The following DMTF1 variants were observed in gnomAD, a reference collection of about 807,000 sequenced individuals.
DMTF1 encodes the protein cyclin D binding myb like transcription factor 1, also known as cyclin-D-binding Myb-like transcription factor 1.
A neutral mutation model predicts 91.1 loss-of-function variants in DMTF1; 39 were observed. The ratio of observed to expected loss-of-function variants is 0.43; its 90% CI spans 0.33 to 0.56. The LOEUF is 0.56. DMTF1 is among the 20% of genes least tolerant of loss of function. DMTF1 has a pLI of 0.05. For synonymous variants in DMTF1, 338 were observed against 309.5 expected, an observed-to-expected ratio of 1.09 and a Z score of -0.97; for missense variants, 750 against 914.5, an observed-to-expected ratio of 0.82 and a Z score of 2.32.
chr7:87,191,316 T>C (rs560635771), intron 14 of DMTF1, among the ~76,000 whole-genome samples: 1 of 152,284 alleles, frequency 6.6e-6, no homozygotes, highest in South Asian at 2.1e-4. Context: ...TGAGAAAGTC[T>C]GTGGACAAAC....
chr7:87,156,106 C>T (rs1249213680), intron 1 of DMTF1, among the ~76,000 whole-genome samples: 5 of 152,116 alleles, frequency 3.3e-5, no homozygotes, highest in Non-Finnish European at 5.9e-5. Flanking sequence ...TCTGATGGTG[C>T]CTTGTAGAAA....
chr7:87,181,395 A>T, intron 9 of DMTF1, 54 bp downstream of exon 9: 1 of 889,820 alleles, frequency 1.1e-6, no homozygotes, highest in East Asian at 2.6e-5. Context: ...TTACGTCCTT[A>T]AAAGTTTTAC....
intron 7 of DMTF1, among the ~76,000 whole-genome samples, chr7:87,175,074 A>G (rs147360803): frequency 0.046 from 6,842 of 149,840 alleles, 182 homozygotes; most frequent in Middle Eastern, 0.069. Flanking sequence ...GCTGGAGTAC[A>G]GTGGCACAGT....
chr7:87,188,260 C>T lies in DMTF1; in HGVS notation c.1370C>T (p.Pro457Leu), dbSNP rs1391041929. Reference sequence around the variant, plus strand: ...GATAATACAGCCATCTCTTCTAGCCCCATGGCAGCATTGCAGATTCCAGTC... The same window carrying T: ...GATAATACAGCCATCTCTTCTAGCCTCATGGCAGCATTGCAGATTCCAGTC... ...LEDNTAISSS[P>L]MAALQIPVQI... Residue 457 changes from proline to leucine, a missense_variant, in exon 13 of 18, where the codon CCC becomes CTC. Around this residue, in one of 3 missense-constraint regions of DMTF1, gnomAD observed 410 missense variants for 420.2 expected, o/e 0.98. Transcript: ENST00000331242. 1.1e-5 allele frequency: 18 copies of T among 1,613,804 alleles called. No homozygotes were observed. The highest frequency in any genetic ancestry group is 1.4e-5 in the Non-Finnish European group (17 of 1,179,884).
chr7:87,168,742 C>CT (rs1794414866), intron 4 of DMTF1, among the ~76,000 whole-genome samples: 1 of 152,196 alleles, frequency 6.6e-6, no homozygotes, highest in Admixed American at 6.5e-5. Flanking sequence ...TATTCTCACT[C>CT]TAATTCCTGA....
At chr7:87,184,340 G>A in intron 10 of DMTF1, 57 bp from the exon 11 acceptor site, 1 of 1,509,138 alleles carries the variant, frequency 6.6e-7, no homozygotes, top group South Asian at 1.2e-5. Context: ...ATAGAGGGCT[G>A]AATCAGATTT....
intron 4 of DMTF1, among the ~76,000 whole-genome samples, chr7:87,168,797 C>T (rs1405633436): frequency 6.6e-6 from 1 of 152,200 alleles, no homozygotes; most frequent in Non-Finnish European, 1.5e-5. Context: ...CCAGTAACAA[C>T]AGCTCTCTAG....
chr7:87,185,490 C>T (rs1195880720), intron 11 of DMTF1, among the ~76,000 whole-genome samples: 1 of 152,158 alleles, frequency 6.6e-6, no homozygotes, highest in African/African-American at 2.4e-5. Context: ...GTAAATGCCA[C>T]ACTATGAAAC....
intron 14 of DMTF1, 136 bp from the exon 15 acceptor site, chr7:87,193,062 A>G: frequency 2.5e-6 from 2 of 805,698 alleles, no homozygotes; most frequent in South Asian, 1.7e-5. Flanking sequence ...TGAGACGATT[A>G]TGCCCTACAT....
At chr7:87,176,638 T>C (rs1230968031) in intron 7 of DMTF1, among the ~76,000 whole-genome samples, 2 of 152,008 alleles carry the variant, frequency 1.3e-5, no homozygotes, top group African/African-American at 2.4e-5. Context: ...CTGAACTGAA[T>C]GTTGGGCAAG....
chr7:87,184,660 CTT>C, intron 11 of DMTF1, 35 bp downstream of exon 11: 2 of 1,579,146 alleles, frequency 1.3e-6, no homozygotes, highest in Non-Finnish European at 1.7e-6. Flanking sequence ...ACAAAAGCAA[CTT>C]AATTTCTGTG....
At chr7:87,165,154 T>C (rs997149468) in intron 3 of DMTF1, 104 bp downstream of exon 3, 89 of 591,246 alleles carry the variant, frequency 1.5e-4, no homozygotes, top group Non-Finnish European at 2.5e-4. Flanking sequence ...CCTATGAGTT[T>C]AGGCTGCACA....
chr7:87,164,726 G>A (rs1446287508), intron 2 of DMTF1, among the ~76,000 whole-genome samples: 3 of 152,176 alleles, frequency 2.0e-5, no homozygotes, highest in African/African-American at 7.2e-5. Flanking sequence ...AGAGCAAACA[G>A]ATTCTTTGAG....
At position 87,171,092 on chromosome 7, in the gene DMTF1, A is replaced by G. The variant is rs781219753; in HGVS notation, c.327+3A>G. The G allele has an allele frequency of 5.1e-6, 8 of 1,581,446 alleles. No homozygotes were observed. The Admixed American group carries it at 6.9e-5, about 14-fold the overall frequency. On this transcript the variant is annotated splice_donor_region_variant and intron_variant, in intron 5 of 17. Coordinates refer to ENST00000331242, the MANE Select transcript of DMTF1 (RefSeq NM_001142327.2). ...AGGGGACTGTGACACAGATACAGGTATAGTAAATCTTTTAACTGGCCTCAG... is the reference window on the plus strand; with the variant it reads ...AGGGGACTGTGACACAGATACAGGTGTAGTAAATCTTTTAACTGGCCTCAG...
intron 15 of DMTF1, 150 bp from the exon 16 acceptor site, chr7:87,193,575 G>T: frequency 1.2e-6 from 1 of 862,562 alleles, no homozygotes; most frequent in South Asian, 1.8e-5. Context: ...GAAGAACAAA[G>T]GCCCTAGCAA....
intron 4 of DMTF1, among the ~76,000 whole-genome samples, chr7:87,167,799 C>T (rs540739373): frequency 9.0e-4 from 137 of 152,252 alleles, no homozygotes; most frequent in Middle Eastern, 6.8e-3. Flanking sequence ...ATTTGACTAT[C>T]ATTATGTTGT....
At chr7:87,165,541 A>G (rs1206850690) in intron 3 of DMTF1, among the ~76,000 whole-genome samples, 4 of 152,162 alleles carry the variant, frequency 2.6e-5, no homozygotes, top group Non-Finnish European at 4.4e-5. Flanking sequence ...TCTTTACTCA[A>G]CCTAGGTTAT....
Position 87,165,013 on chromosome 7 carries a change from C to T in DMTF1, c.72C>T (p.Asp24=), listed in dbSNP as rs145438491. The stretch of plus-strand genomic sequence containing the variant: ...TGAACTCTGTGACTTTGACTCAGGA[C>T]ACAGAAGGGAATCTCATTCTTCACT... ...ETVNSVTLTQ[D]TEGNLILHCP... The change falls in exon 3 of 18, where the codon GAC becomes GAT. Residue 24 remains aspartate, a synonymous_variant. Coordinates refer to ENST00000331242, the MANE Select transcript of DMTF1 (RefSeq NM_001142327.2). 2.5e-5 allele frequency: 40 copies of T among 1,610,822 alleles called. No individual in the cohort carries two copies. The highest frequency in any genetic ancestry group is 4.5e-5 in the East Asian group (2 of 44,700).
At chr7:87,166,921 A>T (rs1029675714) in intron 4 of DMTF1, among the ~76,000 whole-genome samples, 11 of 152,048 alleles carry the variant, frequency 7.2e-5, no homozygotes, top group African/African-American at 1.4e-4. Flanking sequence ...TGTATTTCTT[A>T]ATGTACTGTC....
Sources: gnomAD v4.1 joint callset for allele counts (sites outside exome capture counted in the v4.1 genomes callset) on GRCh38, gnomAD v4.1.1 for gene constraint, gnomAD v4.1.1 regional missense constraint, MANE v1.5 for transcripts, NCBI Gene and HGNC (gene_info 2026-07-23, HGNC 2026-07-21) for gene names.